The following DCHS2 variants were observed in gnomAD, a reference collection of about 807,000 sequenced individuals.
DCHS2 encodes dachsous cadherin-related 2, also known as protocadherin-23.
Under a neutral mutation model 182.4 loss-of-function variants are expected in DCHS2, and 142 were observed. The observed-to-expected ratio is 0.78, with a 90% confidence interval of 0.68 to 0.89. The LOEUF (loss-of-function observed/expected upper bound fraction) is 0.89, where lower values mean the gene tolerates loss of function less well. DCHS2 is among the 40% of genes least tolerant of loss of function. The pLI is 0.00. For missense variants in DCHS2, 4,319 were observed against 4,198.6 expected, an observed-to-expected ratio of 1.03 and a Z score of -0.79; for synonymous variants, 1,740 against 1,663.3, an observed-to-expected ratio of 1.05 and a Z score of -1.12.
intron 10 of DCHS2, among the ~76,000 whole-genome samples, chr4:154,307,861 A>G (rs1176650215): frequency 2.0e-5 from 3 of 151,626 alleles, no homozygotes; most frequent in Non-Finnish European, 2.9e-5. Context: ...TTCCCTTTCC[A>G]TTTCCCAGAG....
chr4:154,384,013 A>G (rs1463946304), intron 1 of DCHS2, among the ~76,000 whole-genome samples: 2 of 152,224 alleles, frequency 1.3e-5, no homozygotes, highest in African/African-American at 4.8e-5. Context: ...AAACAAAGTT[A>G]TTAACACAAC....
chr4:154,428,854 G>A (rs1299338748), intron 1 of DCHS2, among the ~76,000 whole-genome samples: 1 of 152,066 alleles, frequency 6.6e-6, no homozygotes, highest in Admixed American at 6.5e-5. Flanking sequence ...AGAGAGCTGA[G>A]ATCGCACCAC....
chr4:154,329,005 T>C (rs535332815), intron 6 of DCHS2, among the ~76,000 whole-genome samples: 3 of 152,328 alleles, frequency 2.0e-5, no homozygotes, highest in African/African-American at 4.8e-5. Context: ...TTATGTATAT[T>C]ATACAACATA....
At chr4:154,297,730 CA>C in intron 13 of DCHS2, 120 bp downstream of exon 13, 2 of 1,435,090 alleles carry the variant, frequency 1.4e-6, no homozygotes, top group Middle Eastern at 1.9e-4. Flanking sequence ...ATATCAAGAA[CA>C]GGCATTGAAC....
In DCHS2 at chr4:154,332,914, TGA is replaced by T. The variant is rs1469495914; in HGVS notation, c.3292_3293del (p.Ser1098ThrfsTer23). ...VYQVEVSESL[S>X]PMTQMLQTQA... ...GTGTTTGCAGCATTTGTGTCATCGGTGAGAGAGACTCACTGACTTCCACTTGA... is the reference window on the plus strand; with the variant it reads ...GTGTTTGCAGCATTTGTGTCATCGGTGAGAGACTCACTGACTTCCACTTGA... On this transcript the variant is annotated frameshift_variant, in exon 5 of 20. Coordinates refer to ENST00000357232, the MANE Select transcript of DCHS2 (RefSeq NM_001358235.2). LOFTEE classifies it high-confidence loss of function. The T allele has an allele frequency of 6.2e-7, 1 of 1,614,068 alleles. No homozygotes were observed. Among genetic ancestry groups the T allele is most frequent in the Non-Finnish European group, 8.5e-7 (1 of 1,180,042 alleles).
chr4:154,262,510 T>C (rs1007682495), intron 14 of DCHS2, among the ~76,000 whole-genome samples: 2 of 152,218 alleles, frequency 1.3e-5, no homozygotes, highest in African/African-American at 4.8e-5. Flanking sequence ...TGTTCTTGCT[T>C]ATATGTTAAT....
At chr4:154,406,526 T>C (rs949438322) in intron 1 of DCHS2, among the ~76,000 whole-genome samples, 4 of 152,246 alleles carry the variant, frequency 2.6e-5, no homozygotes, top group African/African-American at 9.6e-5. Context: ...CAGTATTGGC[T>C]ACTCTGTTGT....
rs774677154 is a variant in DCHS2 at position 154,320,987 on chromosome 4, G to C, written c.4412C>G (p.Thr1471Arg). The C allele has an allele frequency of 1.2e-6, 2 of 1,613,982 alleles. No homozygotes were observed. Among genetic ancestry groups the C allele is most frequent in the Non-Finnish European group, 1.7e-6 (2 of 1,179,954 alleles). The change falls in exon 9 of 20, where the codon ACG becomes AGG. Residue 1471 changes from threonine (T) to arginine (R), a missense_variant. Thr to Arg is a moderately conservative substitution (Grantham distance 71). Coordinates refer to ENST00000357232, the MANE Select transcript of DCHS2 (RefSeq NM_001358235.2). ...CACTCTGAAAAGATAATGAGATGTC[G>C]TCTCATAATCAAGTTCCTTAGAAAG... The part of the protein sequence containing the change: ...LFLSKELDYE[T>R]TSHYLFRVIT...
At chr4:154,285,738 A>T (rs140231767) in intron 13 of DCHS2, among the ~76,000 whole-genome samples, 1 of 152,042 alleles carries the variant, frequency 6.6e-6, no homozygotes, top group African/African-American at 2.4e-5. Flanking sequence ...CACCAGGTAG[A>T]TGTGTCAGGA....
chr4:154,437,355 A>C lies in DCHS2; in HGVS notation c.2052+51949T>G, dbSNP rs182318275. Among the ~76,000 whole-genome samples the C allele has an allele frequency of 1.8e-3, 279 of 152,270 alleles. 2 individuals carry two copies. Among genetic ancestry groups the C allele is most frequent in the Non-Finnish European group, 1.3e-3 (86 of 68,010 alleles). ...CCACTAACCACTCTCATGATGAAAAAAGGATGGGAAACATAAATTCAGTGA... is the reference window on the plus strand; with the variant it reads ...CCACTAACCACTCTCATGATGAAAACAGGATGGGAAACATAAATTCAGTGA... On this transcript the variant is annotated intron_variant, in intron 1 of 19. Coordinates refer to ENST00000357232, the MANE Select transcript of DCHS2 (RefSeq NM_001358235.2).
intron 16 of DCHS2, among the ~76,000 whole-genome samples, chr4:154,248,236 A>C (rs1732181670): frequency 6.6e-6 from 1 of 152,248 alleles, no homozygotes; most frequent in Non-Finnish European, 1.5e-5. Flanking sequence ...ACATGAATAG[A>C]TTCATATAAT....
intron 16 of DCHS2, 128 bp from the exon 17 acceptor site, chr4:154,242,900 T>A: frequency 2.3e-6 from 3 of 1,316,684 alleles, no homozygotes; most frequent in Non-Finnish European, 3.0e-6. Context: ...TCTCTTGGAT[T>A]TTCTAAATGG....
Position 154,489,444 on chromosome 4 carries a change from G to C in DCHS2, c.1912C>G (p.Leu638Val), listed in dbSNP as rs528155299. ...AVELKVVAQD[L>V]GEPPLSATCL... ...GTGGCAGAGAGTGGGGGCTCTCCGA[G>C]GTCCTGGGCCACCACTTTCAGCTCC... Residue 638 changes from leucine (L) to valine (V), a missense_variant, in exon 1 of 20, where the codon CTC (leucine) becomes GTC (valine). Transcript: ENST00000357232. The C allele has an allele frequency of 6.4e-7, 1 of 1,551,776 alleles. No homozygotes were observed. The highest frequency in any genetic ancestry group is 8.7e-7 in the Non-Finnish European group (1 of 1,147,012).
rs544211330 is a variant in DCHS2, at chr4:154,270,484, T to C, written c.6464-471A>G. On this transcript the variant is annotated intron_variant, in intron 13 of 19. Coordinates refer to ENST00000357232, the MANE Select transcript of DCHS2 (RefSeq NM_001358235.2). ...GGCTGTGGGCTAGGAAAGGGCTTGG[T>C]TGGGTAAAGCACAATGAGTAGGGGA... is the stretch of plus-strand genomic sequence containing the variant. 9.2e-5 allele frequency among the ~76,000 whole-genome samples: 14 copies of C among 151,730 alleles called. No homozygotes were observed. The South Asian group carries it at 2.9e-3, about 32-fold the overall frequency.
At chr4:154,353,059 A>G (rs1228450318) in intron 3 of DCHS2, among the ~76,000 whole-genome samples, 1 of 152,202 alleles carries the variant, frequency 6.6e-6, no homozygotes, top group Middle Eastern at 3.2e-3. Context: ...GGTGATAAAA[A>G]TTTCCTTTGA....
chr4:154,467,527 G>A (rs762146607), intron 1 of DCHS2, among the ~76,000 whole-genome samples: 26 of 152,126 alleles, frequency 1.7e-4, no homozygotes, highest in Non-Finnish European at 3.1e-4. Flanking sequence ...ATATTCAAAA[G>A]AAGCATTAGC....
At chr4:154,408,568 A>G (rs965706369) in intron 1 of DCHS2, among the ~76,000 whole-genome samples, 8 of 152,252 alleles carry the variant, frequency 5.3e-5, no homozygotes, top group Admixed American at 4.6e-4. Flanking sequence ...CAATAAAGCA[A>G]GATAGCCAAC....
chr4:154,456,440 G>A (rs779431143), intron 1 of DCHS2, among the ~76,000 whole-genome samples: 4 of 152,216 alleles, frequency 2.6e-5, no homozygotes, highest in Non-Finnish European at 4.4e-5. Flanking sequence ...CACACAGAGA[G>A]AGGAACCCAA....
intron 1 of DCHS2, among the ~76,000 whole-genome samples, chr4:154,417,204 T>TGTGA (rs1560745908): frequency 1.3e-3 from 53 of 39,446 alleles, no homozygotes; most frequent in South Asian, 2.6e-3. Context: ...TGTGTGTGTG[T>TGTGA]GAGAGAGAGA....
Sources: gnomAD v4.1 joint callset for allele counts (sites outside exome capture counted in the v4.1 genomes callset) on GRCh38, gnomAD v4.1.1 for gene constraint, MANE v1.5 for transcripts, NCBI Gene and HGNC (gene_info 2026-07-23, HGNC 2026-07-21) for gene names.